Variants in ITGBL1 observed in about 807,000 individuals in gnomAD.
ITGBL1 encodes integrin beta-like protein 1.
ITGBL1 carries 51 observed loss-of-function variants against 68.5 expected under a neutral mutation model. The observed-to-expected ratio is 0.74, with a 90% CI of 0.59 to 0.94. The LOEUF (loss-of-function observed/expected upper bound fraction) is 0.94. ITGBL1 is among the 40% of genes least tolerant of loss of function. The pLI is 0.00. For missense variants in ITGBL1, 649 were observed against 647.4 expected (o/e 1.00, Z -0.03); for synonymous variants, 209 against 227.3 (o/e 0.92, Z 0.72).
intron 7 of ITGBL1, among the ~76,000 whole-genome samples, chr13:101,615,966 G>A (rs2031343024): frequency 1.3e-5 from 2 of 152,130 alleles, no homozygotes; most frequent in African/African-American, 2.4e-5. Flanking sequence ...AGACTCCAGA[G>A]CTGCAAAGCA....
At chr13:101,620,106 T>G (rs2031525103) in intron 7 of ITGBL1, among the ~76,000 whole-genome samples, 1 of 152,170 alleles carries the variant, frequency 6.6e-6, no homozygotes, top group East Asian at 1.9e-4. Flanking sequence ...CCCATGAACA[T>G]AATTACAATA....
chr13:101,701,680 T>A (rs2139575884), intron 8 of ITGBL1, among the ~76,000 whole-genome samples: 1 of 152,218 alleles, frequency 6.6e-6, no homozygotes, highest in East Asian at 1.9e-4. Flanking sequence ...AGGGGAAAAA[T>A]TGTCTCATAC....
intron 5 of ITGBL1, among the ~76,000 whole-genome samples, chr13:101,582,799 T>C (rs531906561): frequency 6.6e-6 from 1 of 152,300 alleles, no homozygotes; most frequent in African/African-American, 2.4e-5. Context: ...ATCCTCTTTC[T>C]CCAAATTCTT....
intron 2 of ITGBL1, among the ~76,000 whole-genome samples, chr13:101,548,080 A>G (rs1339463240): frequency 2.0e-5 from 1 of 49,508 alleles, no homozygotes; most frequent in Non-Finnish European, 3.8e-5. Flanking sequence ...TTTCACAGAT[A>G]AACATAAAAC....
chr13:101,515,378 A>T, intron 2 of ITGBL1, among the ~76,000 whole-genome samples: 1 of 151,876 alleles, frequency 6.6e-6, no homozygotes, highest in East Asian at 1.9e-4. Context: ...AAAACTTTAG[A>T]CAACAAGATG....
intron 7 of ITGBL1, among the ~76,000 whole-genome samples, chr13:101,666,726 A>T (rs2033228138): frequency 6.6e-6 from 1 of 152,162 alleles, no homozygotes; most frequent in African/African-American, 2.4e-5. Flanking sequence ...TAAACAGTGG[A>T]TGTGGGATGG....
At chr13:101,591,225 A>G (rs915263744) in intron 6 of ITGBL1, among the ~76,000 whole-genome samples, 48 of 152,222 alleles carry the variant, frequency 3.2e-4, no homozygotes, top group African/African-American at 1.1e-3. Flanking sequence ...ACTGAGATGA[A>G]TGAATGGCAA....
At chr13:101,705,733 G>T (rs554950327) in intron 8 of ITGBL1, among the ~76,000 whole-genome samples, 2 of 152,168 alleles carry the variant, frequency 1.3e-5, no homozygotes, top group Non-Finnish European at 2.9e-5. Context: ...ACTCCTGAGG[G>T]TCCTGCCAGA....
rs184246349 is a variant in ITGBL1 at position 101,454,145 on chromosome 13, T to C, written c.316+45T>C. 3.8e-5 allele frequency: 54 copies of C among 1,419,730 alleles called. 1 individual carries two copies. In the African/African-American group the frequency reaches 4.6e-4, roughly 12 times the overall value. 87.9% of individuals were successfully genotyped at this position (1,419,730 alleles called of 1,614,324 possible). On this transcript the variant is annotated intron_variant, in intron 2 of 10. Coordinates refer to ENST00000376180, the MANE Select transcript of ITGBL1 (RefSeq NM_004791.3). ...TCCTCCCTCGGGAGGTCGAAACTCC[T>C]CTTCTGGGATTTCTGCCACTCCCTA...
intron 2 of ITGBL1, among the ~76,000 whole-genome samples, chr13:101,462,737 C>G (rs889642528): frequency 1.3e-5 from 2 of 152,126 alleles, no homozygotes; most frequent in Non-Finnish European, 2.9e-5. Context: ...CATGCGCCCC[C>G]ACACCTGGCT....
chr13:101,717,338 G>C (rs1366953713), downstream of ITGBL1: 5 of 152,068 alleles, frequency 3.3e-5, no homozygotes, highest in South Asian at 1.0e-3. Context: ...ATTAAGGAGT[G>C]CAACCATGTT....
At chr13:101,646,524 G>T (rs776772081) in intron 7 of ITGBL1, among the ~76,000 whole-genome samples, 1 of 152,034 alleles carries the variant, frequency 6.6e-6, no homozygotes, top group Non-Finnish European at 1.5e-5. Flanking sequence ...GACATTCAGG[G>T]TTGATAAGAA....
At chr13:101,661,917 C>T (rs183372674) in intron 7 of ITGBL1, among the ~76,000 whole-genome samples, 1 of 152,274 alleles carries the variant, frequency 6.6e-6, no homozygotes, top group Admixed American at 6.5e-5. Flanking sequence ...TTACATAATA[C>T]ATCATGGGCA....
chr13:101,478,520 T>C (rs1055584135), intron 2 of ITGBL1, among the ~76,000 whole-genome samples: 1 of 152,030 alleles, frequency 6.6e-6, no homozygotes, highest in African/African-American at 2.4e-5. Flanking sequence ...TTCATCCACA[T>C]GGGAAAGGAA....
chr13:101,550,561 C>G (rs946702316), intron 2 of ITGBL1, among the ~76,000 whole-genome samples: 1 of 152,190 alleles, frequency 6.6e-6, no homozygotes, highest in African/African-American at 2.4e-5. Context: ...CTGCCAGAAT[C>G]CGTGAAACTG....
chr13:101,528,141 A>T (rs910275348), intron 2 of ITGBL1, among the ~76,000 whole-genome samples: 1 of 151,452 alleles, frequency 6.6e-6, no homozygotes, highest in African/African-American at 2.4e-5. Context: ...TTTATATAAA[A>T]ATATATATAG....
chr13:101,575,347 G>A, intron 3 of ITGBL1, 77 bp from the exon 4 acceptor site: 3 of 1,343,710 alleles, frequency 2.2e-6, no homozygotes. Context: ...ACTCTCTTGA[G>A]AGAGATGGTA....
chr13:101,660,770 A>G lies in ITGBL1; in HGVS notation c.1016-31815A>G, dbSNP rs150118684. Among the ~76,000 whole-genome samples the G allele has an allele frequency of 6.2e-3, 940 of 152,332 alleles. 9 individuals carry two copies. The highest frequency in any genetic ancestry group is 0.021 in the African/African-American group (861 of 41,564). On this transcript the variant is annotated intron_variant, in intron 7 of 10. Transcript: ENST00000376180. ...GACTCAACCATGTCAGATTTCTCTT[A>G]CTTTCATAATTTTGCAAAGACAGTT... is the stretch of plus-strand genomic sequence containing the variant.
intron 7 of ITGBL1, among the ~76,000 whole-genome samples, chr13:101,607,986 C>G (rs2030949929): frequency 6.6e-6 from 1 of 151,942 alleles, no homozygotes; most frequent in African/African-American, 2.4e-5. Flanking sequence ...CCTGTTTGCC[C>G]TTTGGTTTTC....
Sources: gnomAD v4.1 joint callset for allele counts (sites outside exome capture counted in the v4.1 genomes callset) on GRCh38, gnomAD v4.1.1 for gene constraint, MANE v1.5 for transcripts, NCBI Gene and HGNC (gene_info 2026-07-23, HGNC 2026-07-21) for gene names.